The following COL23A1 variants were observed in gnomAD, a reference collection of about 807,000 sequenced individuals.
The protein encoded by COL23A1 is collagen type XXIII alpha 1 chain.
A neutral mutation model predicts 99.3 loss-of-function variants in COL23A1; 97 were observed. The ratio of observed to expected loss-of-function variants is 0.98; its 90% CI spans 0.83 to 1.16. The LOEUF (loss-of-function observed/expected upper bound fraction) is 1.16, where lower values mean the gene tolerates loss of function less well. Among genes scored for constraint, COL23A1 ranks in the 50% most tolerant of loss-of-function variants. The pLI is 0.00. For synonymous variants in COL23A1, 320 were observed against 308.2 expected, an observed-to-expected ratio of 1.04 and a Z score of -0.40; for missense variants, 762 against 757.4, an observed-to-expected ratio of 1.01 and a Z score of -0.07.
At chr5:178,482,880 C>T (rs1286609842) in intron 2 of COL23A1, among the ~76,000 whole-genome samples, 1 of 150,762 alleles carries the variant, frequency 6.6e-6, no homozygotes, top group East Asian at 1.9e-4. Context: ...CCTGCCTGGG[C>T]AACAGAGAGA....
chr5:178,246,079 C>T (rs1214723165), intron 24 of COL23A1, 111 bp from the exon 25 acceptor site: 5 of 1,376,634 alleles, frequency 3.6e-6, no homozygotes, highest in Non-Finnish European at 5.2e-6. Context: ...CAAGGAGACC[C>T]ACCAACCACG....
At chr5:178,482,144 T>C (rs906468874) in intron 2 of COL23A1, among the ~76,000 whole-genome samples, 4 of 151,974 alleles carry the variant, frequency 2.6e-5, no homozygotes, top group Non-Finnish European at 5.9e-5. Context: ...AAGACACAGA[T>C]AGTTTTATAC....
At chr5:178,320,056 C>G (rs1759205686) in intron 2 of COL23A1, among the ~76,000 whole-genome samples, 1 of 152,236 alleles carries the variant, frequency 6.6e-6, no homozygotes, top group African/African-American at 2.4e-5. Context: ...CTCGGGATGC[C>G]TTCCCTGACC....
chr5:178,393,345 T>C, intron 2 of COL23A1, among the ~76,000 whole-genome samples: 1 of 151,942 alleles, frequency 6.6e-6, no homozygotes, highest in East Asian at 1.9e-4. Context: ...GTCATAAAGA[T>C]GGGAAGTAAA....
chr5:178,285,664 A>G (rs925633265), intron 5 of COL23A1, among the ~76,000 whole-genome samples: 1 of 152,186 alleles, frequency 6.6e-6, no homozygotes, highest in African/African-American at 2.4e-5. Flanking sequence ...AGGCCCAAGT[A>G]GCCTGCCCAA....
chr5:178,391,751 T>C (rs551635479), intron 2 of COL23A1, among the ~76,000 whole-genome samples: 8 of 152,318 alleles, frequency 5.3e-5, no homozygotes, highest in Admixed American at 4.6e-4. Flanking sequence ...AAATGAAACA[T>C]CTGTCCATAC....
intron 3 of COL23A1, among the ~76,000 whole-genome samples, chr5:178,296,446 C>T (rs1296004594): frequency 6.6e-6 from 1 of 152,210 alleles, no homozygotes; most frequent in Non-Finnish European, 1.5e-5. Context: ...CTCTTCTGAC[C>T]TGGGGCAGAG....
At chr5:178,311,506 G>T (rs1263296411) in intron 2 of COL23A1, among the ~76,000 whole-genome samples, 1 of 9,438 alleles carries the variant, frequency 1.1e-4, no homozygotes, top group South Asian at 2.0e-3. Context: ...GTGTGTGTGT[G>T]CGCGTGTGTG....
intron 2 of COL23A1, among the ~76,000 whole-genome samples, chr5:178,523,268 AGAG>A (rs1760110689): frequency 6.9e-6 from 1 of 144,608 alleles, no homozygotes; most frequent in Non-Finnish European, 1.5e-5. Context: ...AGAGAGAGAG[AGAG>A]AGAGAGAGCG....
intron 2 of COL23A1, among the ~76,000 whole-genome samples, chr5:178,531,441 TG>T (rs1159437416): frequency 1.3e-5 from 2 of 152,186 alleles, no homozygotes; most frequent in East Asian, 3.9e-4. Flanking sequence ...GACCTAGCTC[TG>T]TCAAGATGAA....
chr5:178,454,686 G>A (rs1280134286), intron 2 of COL23A1, among the ~76,000 whole-genome samples: 1 of 152,206 alleles, frequency 6.6e-6, no homozygotes, highest in Non-Finnish European at 1.5e-5. Flanking sequence ...ATAACCACAG[G>A]CCCCTGGAGA....
intron 2 of COL23A1, among the ~76,000 whole-genome samples, chr5:178,433,467 G>A (rs1293887585): frequency 6.6e-6 from 1 of 152,192 alleles, no homozygotes; most frequent in African/African-American, 2.4e-5. Flanking sequence ...CCTCGTTGCT[G>A]AGGGTTTTTA....
At chr5:178,427,235 A>G (rs1412207352) in intron 2 of COL23A1, among the ~76,000 whole-genome samples, 1 of 152,198 alleles carries the variant, frequency 6.6e-6, no homozygotes, top group East Asian at 1.9e-4. Context: ...CTACATACCT[A>G]TGAGTATGGC....
At chr5:178,401,845 C>T (rs1381790266) in intron 2 of COL23A1, among the ~76,000 whole-genome samples, 2 of 152,214 alleles carry the variant, frequency 1.3e-5, no homozygotes, top group South Asian at 2.1e-4. Context: ...GATGGAGTCT[C>T]GCTCTTGTTG....
chr5:178,516,921 G>A (rs552412323), intron 2 of COL23A1, among the ~76,000 whole-genome samples: 4 of 152,304 alleles, frequency 2.6e-5, no homozygotes, highest in Admixed American at 6.5e-5. Flanking sequence ...TGGTGGGAGC[G>A]GGCTTCCTGC....
Position 178,248,999 on chromosome 5 carries a change from C to T in COL23A1, c.1149+118G>A, listed in dbSNP as rs1764865603. The T allele has an allele frequency of 3.0e-6, 3 of 994,396 alleles. No homozygotes were observed. In the Admixed American group the frequency reaches 5.3e-5, roughly 17 times the overall value. The allele number at this position is 994,396 out of a possible 1,614,324, so 61.6% of individuals were successfully genotyped here. ...TAGAGTGTCCCCGGCCGGCTGGGCA[C>T]TGAGACCGCAGGGGCTGTCAGGGTC... On this transcript the variant is annotated intron_variant, in intron 19 of 28. Coordinates refer to ENST00000390654, the MANE Select transcript of COL23A1 (RefSeq NM_173465.4).
chr5:178,407,825 C>T (rs189106767), intron 2 of COL23A1, among the ~76,000 whole-genome samples: 3 of 152,128 alleles, frequency 2.0e-5, no homozygotes, highest in East Asian at 1.9e-4. Flanking sequence ...GGAACAGAGC[C>T]GCAGGGACCT....
At chr5:178,304,505 CAAAAAAAAAAA>C (rs35806686) in intron 3 of COL23A1, among the ~76,000 whole-genome samples, 1 of 32,220 alleles carries the variant, frequency 3.1e-5, no homozygotes, top group Non-Finnish European at 7.1e-5. Context: ...GCGACTGTCT[CAAAAAAAAAAA>C]AAAAAAAAAA....
rs1764142658 is a variant in COL23A1 at position 178,589,189 on chromosome 5, G to A, written c.294+715C>T. Among the ~76,000 whole-genome samples the A allele has an allele frequency of 1.3e-5, 2 of 152,300 alleles. No individual in the cohort carries two copies. Among genetic ancestry groups the A allele is most frequent in the South Asian group, 4.1e-4 (2 of 4,822 alleles). ...CATATGAGCTTTCAAGTAAGCTGTG[G>A]AAGTCGCGATTCCCAGGTAAGGGAC... On this transcript the variant is annotated intron_variant, in intron 1 of 28. Transcript: ENST00000390654. This position sits in a 1 kb window ranked among gnomAD's most constrained non-coding sequence, Gnocchi z 5.4.
Sources: gnomAD v4.1 joint callset for allele counts (sites outside exome capture counted in the v4.1 genomes callset) on GRCh38, gnomAD v4.1.1 for gene constraint, Gnocchi (gnomAD v3.1) non-coding constraint, MANE v1.5 for transcripts, NCBI Gene and HGNC (gene_info 2026-07-23, HGNC 2026-07-21) for gene names.